Variants in BAZ1A observed in about 807,000 individuals in gnomAD.
BAZ1A encodes bromodomain adjacent to zinc finger domain protein 1A.
In BAZ1A, 50 loss-of-function variants were observed where a neutral mutation model predicts 185.2. The ratio of observed to expected loss-of-function variants is 0.27; its 90% CI spans 0.22 to 0.34. The LOEUF (loss-of-function observed/expected upper bound fraction) is 0.34, where lower values mean the gene tolerates loss of function less well. Among genes scored for constraint, BAZ1A ranks in the 10% least tolerant of loss-of-function variants. The pLI is 1.00. For synonymous variants in BAZ1A, 571 were observed against 615.6 expected (o/e 0.93, Z 1.07); for missense variants, 1,356 against 1,839.9 (o/e 0.74, Z 4.81).
chr14:34,868,684 C>T (rs1049690891), intron 2 of BAZ1A, among the ~76,000 whole-genome samples: 2 of 151,922 alleles, frequency 1.3e-5, no homozygotes, highest in African/African-American at 4.8e-5. Context: ...GCCTGTAATC[C>T]TAGCTACTCG....
chr14:34,757,874 G>C (rs12882233), intron 25 of BAZ1A, among the ~76,000 whole-genome samples: 1 of 150,324 alleles, frequency 6.7e-6, no homozygotes, highest in African/African-American at 2.4e-5. Flanking sequence ...AGCCTCCCAA[G>C]TAGCGGGGAC....
intron 3 of BAZ1A, among the ~76,000 whole-genome samples, chr14:34,845,859 CAAAAAAAAAAA>C (rs3062591): frequency 8.7e-6 from 1 of 115,224 alleles, no homozygotes; most frequent in African/African-American, 3.4e-5. Flanking sequence ...GACTCTGTCT[CAAAAAAAAAAA>C]AAAAAAAAAG....
chr14:34,853,161 T>C (rs537183348), intron 3 of BAZ1A, among the ~76,000 whole-genome samples: 1 of 152,334 alleles, frequency 6.6e-6, no homozygotes, highest in East Asian at 1.9e-4. Context: ...GGTAAGTATT[T>C]AAGAACAGAC....
chr14:34,771,618 G>A lies in BAZ1A; in HGVS notation c.3194C>T (p.Thr1065Ile), dbSNP rs1485077942. The change falls in exon 21 of 27, where the codon ACA becomes ATA. Residue 1065 changes from threonine to isoleucine, a missense_variant. Thr to Ile is a moderately conservative substitution (Grantham distance 89, BLOSUM62 -1). Coordinates refer to ENST00000360310, the MANE Select transcript of BAZ1A (RefSeq NM_013448.3). ...CACTGATTGTGGTGTACTTGCATTT[G>A]TTGATACAGTACTTGGAGTTTCTGT... ...IKTETPSTVS[T>I]NASTPQSVSS... 1.5e-5 allele frequency: 24 copies of A among 1,613,888 alleles called. No homozygotes were observed. The highest frequency in any genetic ancestry group is 1.7e-5 in the Non-Finnish European group (20 of 1,179,982).
intron 9 of BAZ1A, 148 bp from the exon 10 acceptor site, chr14:34,795,913 T>A (rs1338009837): frequency 3.4e-6 from 2 of 586,730 alleles, no homozygotes; most frequent in East Asian, 5.9e-5. Flanking sequence ...ACTTAGCAAC[T>A]GGTGTTCTAG....
At chr14:34,786,605 GT>G (rs1205690538) in intron 12 of BAZ1A, 74 of 119,234 alleles carry the variant, frequency 6.2e-4, no homozygotes, top group South Asian at 9.9e-4. Context: ...TTTTATGTGT[GT>G]TTTTTTTTTT....
chr14:34,762,008 A>G lies in BAZ1A; in HGVS notation c.3992T>C (p.Ile1331Thr), dbSNP rs764791271. The G allele has an allele frequency of 5.1e-5, 82 of 1,614,112 alleles. 1 individual carries two copies. The South Asian group carries it at 6.5e-4, about 13-fold the overall frequency. ...ACTGTGGCGAGTAGAACGACTGGCA[A>G]TTCTTAAAGATTTTGTTTCTGTAGG... ...APPTETKSLR[I>T]ASRSTRHSHG... The change falls in exon 24 of 27, where the codon ATT becomes ACT. Residue 1331 changes from isoleucine to threonine, a missense_variant. Around this residue, in one of 7 missense-constraint regions of BAZ1A, gnomAD observed 309 missense variants for 355.3 expected, o/e 0.87. Coordinates refer to ENST00000360310, the MANE Select transcript of BAZ1A (RefSeq NM_013448.3).
chr14:34,806,454 T>C (rs1290977105), intron 6 of BAZ1A, among the ~76,000 whole-genome samples: 1 of 152,168 alleles, frequency 6.6e-6, no homozygotes, highest in Non-Finnish European at 1.5e-5. Context: ...CCTCCCACCT[T>C]CTGATAGGCT....
rs138143484 is a variant in BAZ1A at position 34,787,806 on chromosome 14, G to A, written c.1511-1585C>T. On this transcript the variant is annotated intron_variant, in intron 12 of 26. Coordinates refer to ENST00000360310, the MANE Select transcript of BAZ1A (RefSeq NM_013448.3). Reference sequence around the variant, plus strand: ...ATAGAACTAAACAGCAAATCTACTGGTACAAATGTATGTAAAGCATTATCA... The same window carrying A: ...ATAGAACTAAACAGCAAATCTACTGATACAAATGTATGTAAAGCATTATCA... Among the ~76,000 whole-genome samples, 22 of 152,256 alleles carry A rather than the reference G, an allele frequency of 1.4e-4. No homozygotes were observed. The East Asian group carries it at 3.9e-3, about 27-fold the overall frequency.
chr14:34,759,385 G>A (rs761844232), intron 24 of BAZ1A, among the ~76,000 whole-genome samples: 5 of 151,806 alleles, frequency 3.3e-5, no homozygotes, highest in South Asian at 2.1e-4. Context: ...GGGTTTCACC[G>A]TGTTAGCTAG....
chr14:34,857,215 C>T (rs1474956539), intron 3 of BAZ1A, among the ~76,000 whole-genome samples: 2 of 151,944 alleles, frequency 1.3e-5, no homozygotes, highest in South Asian at 2.1e-4. Context: ...ACCGTGTTAG[C>T]CAGGATGGTC....
chr14:34,860,518 T>TAAAAAAAAAAAAAAAAAAAGAAAA (rs397852116), intron 3 of BAZ1A, among the ~76,000 whole-genome samples: 1 of 70,602 alleles, frequency 1.4e-5, no homozygotes, highest in African/African-American at 6.3e-5. Flanking sequence ...TACCAAAAGT[T>TAAAAAAAAAAAAAAAAAAAGAAAA]AAAAAAAAAA....
rs1463801369 is a variant in BAZ1A, at chr14:34,794,721, T to G, written c.1363+28A>C. Reference sequence around the variant, plus strand: ...CCACTAATTTTAGGATGAACTATAATGTAGCAATAGATAACTAAAGCACTT... The same window carrying G: ...CCACTAATTTTAGGATGAACTATAAGGTAGCAATAGATAACTAAAGCACTT... On this transcript the variant is annotated intron_variant, in intron 11 of 26. Transcript: ENST00000360310. 1.9e-6 allele frequency: 3 copies of G among 1,595,898 alleles called. No individual in the cohort carries two copies. The Admixed American group carries it at 5.4e-5, about 29-fold the overall frequency.
At chr14:34,766,471 A>C (rs975712643) in intron 21 of BAZ1A, among the ~76,000 whole-genome samples, 1 of 152,074 alleles carries the variant, frequency 6.6e-6, no homozygotes, top group Non-Finnish European at 1.5e-5. Context: ...TTGACAGGAC[A>C]TGAAACCTAG....
At chr14:34,856,209 C>T (rs1481007664) in intron 3 of BAZ1A, among the ~76,000 whole-genome samples, 3 of 151,970 alleles carry the variant, frequency 2.0e-5, no homozygotes, top group African/African-American at 7.3e-5. Flanking sequence ...AACTTGGATG[C>T]TCTTGAGTTA....
chr14:34,821,879 G>T (rs572499207), intron 4 of BAZ1A, among the ~76,000 whole-genome samples: 1 of 152,228 alleles, frequency 6.6e-6, no homozygotes, highest in Non-Finnish European at 1.5e-5. Flanking sequence ...AGCTACTCCG[G>T]AGGCTGAGGC....
intron 6 of BAZ1A, among the ~76,000 whole-genome samples, chr14:34,803,949 A>T (rs532016046): frequency 6.6e-6 from 1 of 152,296 alleles, no homozygotes; most frequent in South Asian, 2.1e-4. Context: ...CCAAGAGTTT[A>T]TCTCCTTTTA....
chr14:34,791,079 G>A (rs1880810618), intron 12 of BAZ1A, among the ~76,000 whole-genome samples: 1 of 152,018 alleles, frequency 6.6e-6, no homozygotes, highest in Non-Finnish European at 1.5e-5. Context: ...TCAAGATTGT[G>A]CCATTGCACT....
rs767739547 is a variant in BAZ1A at position 34,764,977 on chromosome 14, A to G, written c.3549+44T>C. 7.4e-6 allele frequency: 12 copies of G among 1,613,380 alleles called. 1 individual carries two copies. The highest frequency in any genetic ancestry group is 8.5e-6 in the Non-Finnish European group (10 of 1,179,746). On this transcript the variant is annotated intron_variant, in intron 22 of 26. Transcript: ENST00000360310. ...TGATCATTAATCATCTATTGCTCAA[A>G]ATCTTAATGTCTCATTTCTAATCTG...
Sources: gnomAD v4.1 joint callset for allele counts (sites outside exome capture counted in the v4.1 genomes callset) on GRCh38, gnomAD v4.1.1 for gene constraint, gnomAD v4.1.1 regional missense constraint, MANE v1.5 for transcripts, NCBI Gene and HGNC (gene_info 2026-07-23, HGNC 2026-07-21) for gene names.